LRP8: variants seen among roughly 807,000 people sequenced by gnomAD.
LRP8 encodes the protein low-density lipoprotein receptor-related protein 8.
In LRP8, 46 loss-of-function variants were observed where a neutral mutation model predicts 111.6. The observed-to-expected ratio is 0.41, with a 90% CI of 0.33 to 0.53. LRP8 has a LOEUF of 0.53. Ranked by LOEUF, LRP8 falls within the 20% of genes least tolerant of loss-of-function variation. LRP8 has a pLI of 0.20. For missense variants in LRP8, 959 were observed against 1,297.4 expected (o/e 0.74, Z 4.01); for synonymous variants, 464 against 511.2 (o/e 0.91, Z 1.24).
chr1:53,309,596 G>C (rs905935642), intron 2 of LRP8, among the ~76,000 whole-genome samples: 1 of 152,154 alleles, frequency 6.6e-6, no homozygotes, highest in Non-Finnish European at 1.5e-5. Flanking sequence ...GTCAGGCTGC[G>C]GGGCCATGCT....
chr1:53,260,714 CT>C (rs972215833), intron 12 of LRP8, 109 bp from the exon 13 acceptor site: 17 of 1,077,602 alleles, frequency 1.6e-5, no homozygotes, highest in Non-Finnish European at 2.1e-5. Context: ...GAAATCTCCC[CT>C]GATCTGTCCT....
At chr1:53,274,851 C>A (rs753785566) in intron 6 of LRP8, 3 of 456,080 alleles carry the variant, frequency 6.6e-6, no homozygotes, top group African/African-American at 2.0e-5. Context: ...GTGGACAGTG[C>A]CTGTGAGACC....
chr1:53,242,688 T>A lies in LRP8; in HGVS notation c.*4330A>T, dbSNP rs1645663490. 1 of 152,058 alleles carries A rather than the reference T, an allele frequency of 6.6e-6. No individual in the cohort carries two copies. The highest frequency in any genetic ancestry group is 1.5e-5 in the Non-Finnish European group (1 of 68,010). 9.4% of individuals were successfully genotyped at this position (152,058 alleles called of 1,614,324 possible). A position where few individuals can be genotyped will look rare whatever the true frequency, so the allele number is the denominator to read the frequency against. Reference sequence around the variant, plus strand: ...AAGGAGAATCCACTTGGGAACAATTTGATGAAGTTTGCAAATCAGCACTTT... The same window carrying A: ...AAGGAGAATCCACTTGGGAACAATTAGATGAAGTTTGCAAATCAGCACTTT... On this transcript the variant is annotated 3_prime_UTR_variant, in exon 19 of 19. Coordinates refer to ENST00000306052, the MANE Select transcript of LRP8 (RefSeq NM_004631.5).
At chr1:53,288,534 TTCTC>T (rs1045467078) in intron 3 of LRP8, 2 of 150,938 alleles carry the variant, frequency 1.3e-5, no homozygotes, top group Non-Finnish European at 3.0e-5. Flanking sequence ...TCTTGCTCTG[TTCTC>T]TCTCTCTCCC....
At position 53,262,331 on chromosome 1, in the gene LRP8, G is replaced by A; in HGVS notation, c.1774+115C>T. 1 of 1,523,858 alleles carries A rather than the reference G, an allele frequency of 6.6e-7. No individual in the cohort carries two copies. The highest frequency in any genetic ancestry group is 9.0e-7 in the Non-Finnish European group (1 of 1,108,776). The allele number at this position is 1,523,858 out of a possible 1,614,324, so 94.4% of individuals were successfully genotyped here. On this transcript the variant is annotated intron_variant, in intron 11 of 18. Transcript: ENST00000306052. This position sits in a 1 kb window ranked among gnomAD's most constrained non-coding sequence, Gnocchi z 4.8. The stretch of plus-strand genomic sequence containing the variant: ...GAGGCCAGCCTACGGCAACCATTAG[G>A]AAACAAAGTCACTGGCACCATGAGA...
chr1:53,326,638 C>T (rs1191345121), intron 2 of LRP8, among the ~76,000 whole-genome samples: 7 of 152,190 alleles, frequency 4.6e-5, no homozygotes, highest in African/African-American at 1.7e-4. Flanking sequence ...GCACACTGCC[C>T]GGGGCTCCGC....
chr1:53,257,354 T>C lies in LRP8; in HGVS notation c.2320A>G (p.Ser774Gly), dbSNP rs1193968711. 6.2e-7 allele frequency: 1 copy of C among 1,614,186 alleles called. No individual in the cohort carries two copies. Among genetic ancestry groups the C allele is most frequent in the Admixed American group, 1.7e-5 (1 of 60,022 alleles). ...GCTGTCAGGCTTGGTGTCTCTGTGC[T>C]GTGGTTCTGGTAGGTGGATCTGTGG... ...TVHRSTYQNH[S>G]TETPSLTAAV... is the part of the protein sequence containing the mutation. The change falls in exon 15 of 19, where the codon AGC becomes GGC. Residue 774 changes from serine to glycine, a missense_variant. Physicochemically the swap from Ser to Gly is moderately conservative, Grantham distance 56. This residue lies in a region of LRP8 where 819 missense variants were observed against 1,097.6 expected (regional missense o/e 0.75). Coordinates refer to ENST00000306052, the MANE Select transcript of LRP8 (RefSeq NM_004631.5).
Position 53,246,994 on chromosome 1 carries a change from G to A in LRP8, c.*24C>T, listed in dbSNP as rs747573561. On this transcript the variant is annotated 3_prime_UTR_variant, in exon 19 of 19. Coordinates refer to ENST00000306052, the MANE Select transcript of LRP8 (RefSeq NM_004631.5). ...TAGTGCATGGGACTGAATTCCATGA[G>A]GCACGAAGGGGGTGATCCCATCCTC... is the stretch of plus-strand genomic sequence containing the variant. 20 of 1,603,314 alleles carry A rather than the reference G, an allele frequency of 1.2e-5. No homozygotes were observed. The highest frequency in any genetic ancestry group is 1.4e-5 in the Non-Finnish European group (17 of 1,174,896).
rs1646387968 is a variant in LRP8, at chr1:53,262,627, AC to A, written c.1656-64del. ...GGACATGACCGGGGTGGTCTGAGTC[AC>A]AAGAGCTCAATAACCCATTGACTAG... On this transcript the variant is annotated intron_variant, in intron 10 of 18. Transcript: ENST00000306052. This position sits in a 1 kb window ranked among gnomAD's most constrained non-coding sequence, Gnocchi z 4.8. 1.6e-6 allele frequency: 2 copies of A among 1,275,532 alleles called. No homozygotes were observed. The highest frequency in any genetic ancestry group is 2.3e-6 in the Non-Finnish European group (2 of 875,456). 79.0% of individuals were successfully genotyped at this position (1,275,532 alleles called of 1,614,324 possible). A position where few individuals can be genotyped will look rare whatever the true frequency, so the allele number is the denominator to read the frequency against.
At position 53,278,299 on chromosome 1, in the gene LRP8, C is replaced by T. The variant is rs147158362; in HGVS notation, c.497-1221G>A. 2.3e-3 allele frequency among the ~76,000 whole-genome samples: 356 copies of T among 152,314 alleles called. 1 individual carries two copies. The highest frequency in any genetic ancestry group is 8.2e-3 in the African/African-American group (339 of 41,572). On this transcript the variant is annotated intron_variant, in intron 4 of 18. Transcript: ENST00000306052. ...CCTCCTCACTTCCCTCCCTCCTGTG[C>T]GTCCACACACAGGCCAAGACCTGGC...
At chr1:53,316,999 C>T (rs1051659217) in intron 2 of LRP8, among the ~76,000 whole-genome samples, 1 of 152,118 alleles carries the variant, frequency 6.6e-6, no homozygotes, top group African/African-American at 2.4e-5. Context: ...TCATCTTGGC[C>T]CCATAGCCTC....
intron 2 of LRP8, among the ~76,000 whole-genome samples, chr1:53,323,389 C>A (rs1351048368): frequency 1.3e-5 from 2 of 152,246 alleles, no homozygotes; most frequent in Non-Finnish European, 2.9e-5. Flanking sequence ...CAGCGTTCAT[C>A]GGCGCTATGG....
rs1410633062 is a variant in LRP8, at chr1:53,294,230, C to T, written c.245-4541G>A. ...CCTCAGCCCAGGAGTGATACATAGT[C>T]AACCAGGGTCTGCGACATCATAATC... On this transcript the variant is annotated intron_variant, in intron 2 of 18. Coordinates refer to ENST00000306052, the MANE Select transcript of LRP8 (RefSeq NM_004631.5). The surrounding 1 kb of genome is among the most constrained non-coding windows in gnomAD (Gnocchi z 4.1). Among the ~76,000 whole-genome samples the T allele has an allele frequency of 6.6e-6, 1 of 152,176 alleles. No individual in the cohort carries two copies. Among genetic ancestry groups the T allele is most frequent in the Non-Finnish European group, 1.5e-5 (1 of 68,036 alleles).
At chr1:53,324,949 G>A (rs1572708247) in intron 2 of LRP8, among the ~76,000 whole-genome samples, 2 of 152,304 alleles carry the variant, frequency 1.3e-5, no homozygotes, top group Admixed American at 1.3e-4. Flanking sequence ...CTTCTCTGAG[G>A]AGGCATCCTT....
At chr1:53,300,266 A>G (rs539699514) in intron 2 of LRP8, among the ~76,000 whole-genome samples, 2 of 152,336 alleles carry the variant, frequency 1.3e-5, no homozygotes, top group East Asian at 3.9e-4. Context: ...CCCAGGCCAG[A>G]AGCCCTTCTT....
At chr1:53,325,306 C>A (rs1453067275) in intron 2 of LRP8, among the ~76,000 whole-genome samples, 4 of 152,208 alleles carry the variant, frequency 2.6e-5, no homozygotes, top group Admixed American at 2.6e-4. Context: ...AGTTCAGTGC[C>A]TCAGTTTTTG....
intron 2 of LRP8, among the ~76,000 whole-genome samples, chr1:53,297,388 C>T (rs776259997): frequency 1.5e-4 from 23 of 152,284 alleles, no homozygotes; most frequent in Non-Finnish European, 2.6e-4. Flanking sequence ...TCGGCGGTTC[C>T]CAGAAGGCGA....
chr1:53,309,107 TC>T (rs1201407444), intron 2 of LRP8, among the ~76,000 whole-genome samples: 1 of 152,080 alleles, frequency 6.6e-6, no homozygotes, highest in Non-Finnish European at 1.5e-5. Context: ...AAACTCCATC[TC>T]TACTAAAAAT....
In LRP8 at chr1:53,264,183, A is replaced by G; in HGVS notation, c.1641T>C (p.Val547=). ...RNLSEPRAIA[V]DPLRGFMYWS... ...GGGACACTCACCCTCGCAGGGGGTC[A>G]ACAGCGATGGCCCGGGGTTCACTGA... is the stretch of plus-strand genomic sequence containing the variant. Residue 547 remains valine, a synonymous_variant, in exon 10 of 19, where the codon GTT becomes GTC. Coordinates refer to ENST00000306052, the MANE Select transcript of LRP8 (RefSeq NM_004631.5). 1 of 1,614,160 alleles carries G rather than the reference A, an allele frequency of 6.2e-7. No homozygotes were observed. The highest frequency in any genetic ancestry group is 1.3e-5 in the African/African-American group (1 of 75,042).
Sources: gnomAD v4.1 joint callset for allele counts (sites outside exome capture counted in the v4.1 genomes callset) on GRCh38, gnomAD v4.1.1 for gene constraint, gnomAD v4.1.1 regional missense constraint, Gnocchi (gnomAD v3.1) non-coding constraint, MANE v1.5 for transcripts, NCBI Gene and HGNC (gene_info 2026-07-23, HGNC 2026-07-21) for gene names.